Variants in TRDN observed in about 807,000 individuals in gnomAD.
TRDN encodes the protein triadin.
In TRDN, 161 loss-of-function variants were observed where a neutral mutation model predicts 149.7. The ratio of observed to expected loss-of-function variants is 1.08; its 90% confidence interval spans 0.95 to 1.23. TRDN has a LOEUF of 1.23. Among genes scored for constraint, TRDN ranks in the 50% most tolerant of loss-of-function variants. The probability of loss-of-function intolerance (pLI) is 0.00; values close to 1 mark genes in which losing one functional copy is unlikely to be tolerated. For synonymous variants in TRDN, 294 were observed against 250.5 expected (o/e 1.17, Z -1.64); for missense variants, 896 against 823.5 (o/e 1.09, Z -1.08).
intron 12 of TRDN, among the ~76,000 whole-genome samples, chr6:123,434,606 T>C (rs1774476436): frequency 6.6e-6 from 1 of 152,166 alleles, no homozygotes; most frequent in Non-Finnish European, 1.5e-5. Context: ...GAATGTCTTC[T>C]AGCAGTGCCA....
At chr6:123,220,597 A>C (rs1484644432) in intron 40 of TRDN, among the ~76,000 whole-genome samples, 2 of 151,826 alleles carry the variant, frequency 1.3e-5, no homozygotes, top group African/African-American at 4.8e-5. Flanking sequence ...CTACTGCAGT[A>C]GTTCCAGCAT....
At chr6:123,447,910 G>A (rs545573741) in intron 10 of TRDN, among the ~76,000 whole-genome samples, 4 of 152,228 alleles carry the variant, frequency 2.6e-5, no homozygotes, top group East Asian at 1.9e-4. Context: ...CTCAAATACC[G>A]AGAGTGCCCC....
At chr6:123,491,785 A>G (rs1778232134) in intron 9 of TRDN, among the ~76,000 whole-genome samples, 1 of 152,230 alleles carries the variant, frequency 6.6e-6, no homozygotes, top group South Asian at 2.1e-4. Flanking sequence ...AAAATAATTA[A>G]ATGATTGGAA....
At chr6:123,354,205 T>C (rs1317428470) in intron 20 of TRDN, among the ~76,000 whole-genome samples, 2 of 151,814 alleles carry the variant, frequency 1.3e-5, no homozygotes, top group Admixed American at 6.6e-5. Context: ...GAAGAAGCAA[T>C]GAATGTTTTA....
chr6:123,528,843 C>T, intron 5 of TRDN: 2 of 1,009,564 alleles, frequency 2.0e-6, no homozygotes, highest in African/African-American at 3.4e-5. Flanking sequence ...ATTTCCAGCT[C>T]AGTGTGGAGC....
At chr6:123,231,861 G>T (rs9490711) in intron 38 of TRDN, among the ~76,000 whole-genome samples, 5,159 of 152,004 alleles carry the variant, frequency 0.034, 309 homozygotes, top group African/African-American at 0.12. Flanking sequence ...AAAGTTTTAT[G>T]TCTAAGTGAC....
intron 9 of TRDN, among the ~76,000 whole-genome samples, chr6:123,496,623 A>G (rs1381052801): frequency 6.6e-6 from 1 of 152,078 alleles, no homozygotes; most frequent in East Asian, 1.9e-4. Context: ...CAACAATTAA[A>G]GATACAAGAC....
chr6:123,495,720 C>T (rs1446684697), intron 9 of TRDN, among the ~76,000 whole-genome samples: 1 of 151,898 alleles, frequency 6.6e-6, no homozygotes, highest in African/African-American at 2.4e-5. Flanking sequence ...TTGAGAGGTT[C>T]TCTTCATGTA....
At chr6:123,517,050 C>G (rs775759361) in intron 5 of TRDN, among the ~76,000 whole-genome samples, 61 of 152,088 alleles carry the variant, frequency 4.0e-4, no homozygotes, top group Non-Finnish European at 6.0e-4. Flanking sequence ...GAGTTCATTC[C>G]TGTCGCCATG....
At chr6:123,589,508 C>T (rs1354085116) in intron 1 of TRDN, among the ~76,000 whole-genome samples, 3 of 152,124 alleles carry the variant, frequency 2.0e-5, no homozygotes, top group African/African-American at 7.2e-5. Context: ...AAGCTGAATG[C>T]TTCAGAATCA....
chr6:123,496,822 T>G (rs1003285066), intron 9 of TRDN, among the ~76,000 whole-genome samples: 1 of 152,060 alleles, frequency 6.6e-6, no homozygotes, highest in Non-Finnish European at 1.5e-5. Context: ...ATGAATTGTG[T>G]TCACTACTAA....
intron 40 of TRDN, among the ~76,000 whole-genome samples, chr6:123,219,885 T>C (rs1294013403): frequency 6.6e-6 from 1 of 151,848 alleles, no homozygotes; most frequent in East Asian, 1.9e-4. Flanking sequence ...AATCCATTGC[T>C]AAAAGTAGAA....
At chr6:123,610,134 T>A (rs1394777391) in intron 1 of TRDN, among the ~76,000 whole-genome samples, 1 of 152,196 alleles carries the variant, frequency 6.6e-6, no homozygotes, top group Non-Finnish European at 1.5e-5. Flanking sequence ...CAATAGCTAT[T>A]AAGAGTCTCC....
chr6:123,463,155 G>A (rs944551167), intron 10 of TRDN: 2 of 151,984 alleles, frequency 1.3e-5, no homozygotes, highest in Non-Finnish European at 2.9e-5. Flanking sequence ...GGCTAACACG[G>A]TGAAACCCCG....
At chr6:123,547,555 A>G (rs912957885) in intron 3 of TRDN, among the ~76,000 whole-genome samples, 183 bp from the exon 4 acceptor site, 11 of 151,998 alleles carry the variant, frequency 7.2e-5, no homozygotes, top group African/African-American at 2.7e-4. Context: ...ATACATTTAT[A>G]TAAGATTGTT....
At chr6:123,280,200 G>T (rs1777531562) in intron 24 of TRDN, among the ~76,000 whole-genome samples, 1 of 152,108 alleles carries the variant, frequency 6.6e-6, no homozygotes, top group African/African-American at 2.4e-5. Context: ...GCAGAGAGCA[G>T]CAGAGAAGAG....
At chr6:123,580,309 A>C (rs938527333) in intron 1 of TRDN, among the ~76,000 whole-genome samples, 4 of 152,198 alleles carry the variant, frequency 2.6e-5, no homozygotes, top group Non-Finnish European at 5.9e-5. Context: ...CAATGATGAG[A>C]GCATAACTAT....
intron 23 of TRDN, among the ~76,000 whole-genome samples, chr6:123,322,906 T>C (rs1779301589): frequency 6.6e-6 from 1 of 152,066 alleles, no homozygotes; most frequent in Admixed American, 6.6e-5. Flanking sequence ...CCCAAAGTGC[T>C]GGGATTATAG....
intron 24 of TRDN, among the ~76,000 whole-genome samples, chr6:123,282,384 G>A (rs1438575908): frequency 6.6e-6 from 1 of 151,874 alleles, no homozygotes; most frequent in Non-Finnish European, 1.5e-5. Flanking sequence ...TTAATCAACA[G>A]TGATCAACAG....
Sources: allele counts gnomAD v4.1 joint callset (sites outside exome capture counted in the v4.1 genomes callset), GRCh38; gene constraint gnomAD v4.1.1; transcripts MANE v1.5; gene names NCBI Gene and HGNC (gene_info 2026-07-23, HGNC 2026-07-21).